The following LGR5 variants were observed in gnomAD, a reference collection of about 807,000 sequenced individuals.
LGR5 encodes the protein leucine-rich repeat-containing G protein-coupled receptor 5.
A neutral mutation model predicts 76.7 loss-of-function variants in LGR5; 54 were observed. That is an observed-to-expected ratio of 0.70 (90% CI 0.57 to 0.88). The LOEUF (loss-of-function observed/expected upper bound fraction) is 0.88. LGR5 is among the 40% of genes least tolerant of loss of function. LGR5 has a pLI of 0.00. For synonymous variants in LGR5, 406 were observed against 421.9 expected (o/e 0.96, Z 0.46); for missense variants, 1,078 against 1,073.3 (o/e 1.00, Z -0.06).
In LGR5 at chr12:71,546,571, A is replaced by G. The variant is rs570797865; in HGVS notation, c.429-6502A>G. 1.1e-3 allele frequency among the ~76,000 whole-genome samples: 170 copies of G among 152,084 alleles called. 1 individual carries two copies. The Middle Eastern group carries it at 0.031, about 27-fold the overall frequency. On this transcript the variant is annotated intron_variant, in intron 4 of 17. Transcript: ENST00000266674. ...GGAGTCACCAAGTTCTGCCAGGCCCACATATTTAACATCTCTCATAGTAGG... is the reference window on the plus strand; with the variant it reads ...GGAGTCACCAAGTTCTGCCAGGCCCGCATATTTAACATCTCTCATAGTAGG...
chr12:71,554,361 T>C (rs1877653503), intron 5 of LGR5, among the ~76,000 whole-genome samples: 1 of 149,596 alleles, frequency 6.7e-6, no homozygotes, highest in African/African-American at 2.5e-5. Context: ...AGCTGATCTA[T>C]CAGAATGCAC....
chr12:71,579,037 C>A, intron 15 of LGR5, 108 bp downstream of exon 15: 1 of 991,344 alleles, frequency 1.0e-6, no homozygotes, highest in Non-Finnish European at 1.4e-6. Flanking sequence ...TTTTGAATTG[C>A]ATTTCATGCC....
chr12:71,535,798 G>A (rs1280622061), intron 4 of LGR5, among the ~76,000 whole-genome samples: 1 of 152,072 alleles, frequency 6.6e-6, no homozygotes, highest in Admixed American at 6.6e-5. Flanking sequence ...CAGACACATG[G>A]ACTCACAGAG....
rs182354672 is a variant in LGR5, at chr12:71,521,017, A to C, written c.285-3389A>C. On this transcript the variant is annotated intron_variant, in intron 2 of 17. Coordinates refer to ENST00000266674, the MANE Select transcript of LGR5 (RefSeq NM_003667.4). ...AATATGCATAGCCAAGACCAGAAAA[A>C]AAGATAGCTTGAAAGAATAACATTT... Among the ~76,000 whole-genome samples the C allele has an allele frequency of 2.5e-3, 388 of 152,360 alleles. 2 individuals carry two copies. Among genetic ancestry groups the C allele is most frequent in the Admixed American group, 8.5e-3 (130 of 15,302 alleles).
chr12:71,496,332 C>A (rs982965158), intron 1 of LGR5, among the ~76,000 whole-genome samples: 1 of 137,372 alleles, frequency 7.3e-6, no homozygotes, highest in Non-Finnish European at 1.5e-5. Context: ...GATCACACTG[C>A]ACTCCAGTCT....
intron 1 of LGR5, among the ~76,000 whole-genome samples, chr12:71,456,992 T>C (rs1388936828): frequency 6.6e-6 from 1 of 152,084 alleles, no homozygotes; most frequent in Non-Finnish European, 1.5e-5. Flanking sequence ...TACACCCCCA[T>C]CTCACTTTTT....
chr12:71,555,671 A>G (rs1877723147), intron 5 of LGR5, among the ~76,000 whole-genome samples: 2 of 152,214 alleles, frequency 1.3e-5, no homozygotes. Context: ...ATCTCTGCTT[A>G]ACATCCTATA....
Position 71,566,654 on chromosome 12 carries a change from A to G in LGR5, c.952A>G (p.Ile318Val). 6.2e-7 allele frequency: 1 copy of G among 1,613,486 alleles called. No homozygotes were observed. Among genetic ancestry groups the G allele is most frequent in the Non-Finnish European group, 8.5e-7 (1 of 1,179,494 alleles). ...RTLTLNGASQ[I>V]TEFPDLTGTA... Reference sequence around the variant, plus strand: ...TAGGACTCTGAATGGTGCCTCACAAATAACTGAATTTCCTGATTTAACTGG... The same window carrying G: ...TAGGACTCTGAATGGTGCCTCACAAGTAACTGAATTTCCTGATTTAACTGG... Residue 318 changes from isoleucine (I) to valine (V), a missense_variant, in exon 10 of 18, where the codon ATA becomes GTA. Transcript: ENST00000266674.
intron 2 of LGR5, among the ~76,000 whole-genome samples, chr12:71,519,659 C>CA (rs201655520): frequency 0.011 from 1,566 of 144,262 alleles, 32 homozygotes; most frequent in African/African-American, 0.037. Context: ...AAACAAAAAA[C>CA]AAAAAAAACC....
intron 17 of LGR5, 76 bp from the exon 18 acceptor site, chr12:71,583,571 A>G (rs1446312170): frequency 3.1e-5 from 47 of 1,493,230 alleles, no homozygotes; most frequent in Non-Finnish European, 3.8e-5. Context: ...TCCTAAATAA[A>G]GAGACAAAAG....
intron 6 of LGR5, 68 bp downstream of exon 6, chr12:71,556,758 G>C: frequency 1.6e-6 from 2 of 1,222,174 alleles, no homozygotes; most frequent in Non-Finnish European, 2.4e-6. Context: ...AATCAAAATA[G>C]CCTTAAAGCC....
chr12:71,469,558 A>T (rs576829838), intron 1 of LGR5, among the ~76,000 whole-genome samples: 3 of 152,366 alleles, frequency 2.0e-5, no homozygotes, highest in Non-Finnish European at 2.9e-5. Flanking sequence ...TCTGACAGAA[A>T]GCGACACTGA....
rs373768408 is a variant in LGR5 at position 71,584,694 on chromosome 12, G to A, written c.2684G>A (p.Ser895Asn). 44 of 1,613,060 alleles carry A rather than the reference G, an allele frequency of 2.7e-5. No individual in the cohort carries two copies. The highest frequency in any genetic ancestry group is 3.6e-5 in the Non-Finnish European group (43 of 1,179,188). ...VPSPAYPVTE[S>N]CHLSSVAFVP... ...TCACCAGCTTATCCAGTGACTGAGA[G>A]CTGCCATCTTTCCTCTGTGGCATTT... Residue 895 changes from serine to asparagine, a missense_variant, in exon 18 of 18, where the codon AGC becomes AAC. Physicochemically the swap from Ser to Asn is conservative, Grantham distance 46. Coordinates refer to ENST00000266674, the MANE Select transcript of LGR5 (RefSeq NM_003667.4).
intron 2 of LGR5, among the ~76,000 whole-genome samples, chr12:71,508,228 AAAAC>A (rs960947327): frequency 2.0e-5 from 3 of 152,120 alleles, no homozygotes; most frequent in South Asian, 2.1e-4. Flanking sequence ...CTCCGTCTCA[AAAAC>A]AAACAAAAAA....
At chr12:71,519,769 G>A (rs1875637776) in intron 2 of LGR5, among the ~76,000 whole-genome samples, 1 of 152,014 alleles carries the variant, frequency 6.6e-6, no homozygotes, top group African/African-American at 2.4e-5. Context: ...AGGTTGCAGT[G>A]AGCCAAGCTT....
At chr12:71,477,451 T>C (rs1873387653) in intron 1 of LGR5, among the ~76,000 whole-genome samples, 1 of 149,308 alleles carries the variant, frequency 6.7e-6, no homozygotes. Context: ...TAATATAATA[T>C]ATATTATATG....
At chr12:71,574,479 C>A (rs554472654) in intron 13 of LGR5, among the ~76,000 whole-genome samples, 1 of 152,190 alleles carries the variant, frequency 6.6e-6, no homozygotes, top group Admixed American at 6.5e-5. Context: ...CTACCGCAGG[C>A]CCATTAATGA....
intron 8 of LGR5, among the ~76,000 whole-genome samples, chr12:71,564,584 C>T (rs1174962170): frequency 5.1e-5 from 7 of 135,948 alleles, no homozygotes; most frequent in South Asian, 4.7e-4. Context: ...TGCATATATA[C>T]GTATCTGTAC....
chr12:71,528,946 A>C (rs1876158536), intron 3 of LGR5, among the ~76,000 whole-genome samples: 1 of 152,196 alleles, frequency 6.6e-6, no homozygotes, highest in South Asian at 2.1e-4. Flanking sequence ...GACAGGATAA[A>C]TATTCTCTGT....
Sources: allele counts gnomAD v4.1 joint callset (sites outside exome capture counted in the v4.1 genomes callset), GRCh38; gene constraint gnomAD v4.1.1; transcripts MANE v1.5; gene names NCBI Gene and HGNC (gene_info 2026-07-23, HGNC 2026-07-21).